The following AGGF1 variants were observed in gnomAD, a reference collection of about 807,000 sequenced individuals.
The protein encoded by AGGF1 is angiogenic factor with G-patch and FHA domains 1.
Under a neutral mutation model 86.5 loss-of-function variants are expected in AGGF1, and 56 were observed. The ratio of observed to expected loss-of-function variants is 0.65; its 90% CI spans 0.52 to 0.81. The LOEUF is 0.81. Ranked by LOEUF, AGGF1 falls within the 30% of genes least tolerant of loss-of-function variation. The pLI is 0.00. For missense variants in AGGF1, 816 were observed against 850.9 expected (o/e 0.96, Z 0.51); for synonymous variants, 313 against 297.1 (o/e 1.05, Z -0.55).
Position 77,036,621 on chromosome 5 carries a change from G to C in AGGF1, c.582G>C (p.Leu194Phe). Residue 194 changes from leucine to phenylalanine, a missense_variant, in exon 4 of 14, where the codon TTG becomes TTC. Coordinates refer to ENST00000312916, the MANE Select transcript of AGGF1 (RefSeq NM_018046.5). Reference sequence around the variant, plus strand: ...AAGGCTCATCATTAGCTGAAAGTTTGAGAGCTGCAGCAGAAGCGGCTGTAT... The same window carrying C: ...AAGGCTCATCATTAGCTGAAAGTTTCAGAGCTGCAGCAGAAGCGGCTGTAT... ...SLEGSSLAESLRAAAEAAVSQ... is the reference protein window; with the variant it reads ...SLEGSSLAESFRAAAEAAVSQ... 1 of 1,614,014 alleles carries C rather than the reference G, an allele frequency of 6.2e-7. No homozygotes were observed. The highest frequency in any genetic ancestry group is 1.1e-5 in the South Asian group (1 of 91,076).
chr5:77,059,680 G>A lies in AGGF1; in HGVS notation c.1781G>A (p.Arg594His), dbSNP rs778079289. Residue 594 changes from arginine (R) to histidine (H), a missense_variant, in exon 12 of 14, where the codon CGT becomes CAT. Coordinates refer to ENST00000312916, the MANE Select transcript of AGGF1 (RefSeq NM_018046.5). ...AAATATAAAGATAGAGCTGGAAAAC[G>A]TAGGGAGCAGGTTGGAAGTGAAGGA... ...NPKYKDRAGK[R>H]REQVGSEGTF... is the part of the protein sequence containing the mutation. The A allele has an allele frequency of 1.7e-5, 27 of 1,613,632 alleles. No individual in the cohort carries two copies. Among genetic ancestry groups the A allele is most frequent in the Middle Eastern group, 1.6e-4 (1 of 6,068 alleles).
At chr5:77,056,203 C>T (rs1051727678) in intron 11 of AGGF1, among the ~76,000 whole-genome samples, 5 of 148,688 alleles carry the variant, frequency 3.4e-5, no homozygotes, top group Non-Finnish European at 7.4e-5. Flanking sequence ...GGTGTGATGG[C>T]AGTTTGGTGG....
Position 77,052,806 on chromosome 5 carries a change from A to G in AGGF1, c.1466A>G (p.Gln489Arg). 1.2e-6 allele frequency: 2 copies of G among 1,609,674 alleles called. No homozygotes were observed. Among genetic ancestry groups the G allele is most frequent in the African/African-American group, 1.3e-5 (1 of 74,960 alleles). The change falls in exon 9 of 14, where the codon CAG becomes CGG. Residue 489 changes from glutamine to arginine, a missense_variant and splice_region_variant. Gln to Arg is a conservative substitution (Grantham distance 43). Around this residue, in one of 3 missense-constraint regions of AGGF1, gnomAD observed 565 missense variants for 585.8 expected, o/e 0.96. Transcript: ENST00000312916. ...GTIVNGKQIL[Q>R]PKTKCDPYVL... ...ATTGTTAATGGAAAACAGATTCTTC[A>G]GGTGAGTGTATATGTGTTAATTTGT...
At chr5:77,043,598 CCCG>C (rs1404057137) in intron 5 of AGGF1, among the ~76,000 whole-genome samples, 21 of 43,384 alleles carry the variant, frequency 4.8e-4, no homozygotes, top group African/African-American at 1.2e-3. Context: ...CCCCCCCCCC[CCCG>C]GATGGCACGG....
chr5:77,035,885 ATGT>A, intron 3 of AGGF1, 142 bp downstream of exon 3: 1 of 779,616 alleles, frequency 1.3e-6, no homozygotes, highest in Non-Finnish European at 2.1e-6. Context: ...TATGCAAAGA[ATGT>A]TGTAGTTTTT....
chr5:77,040,837 C>T (rs993569963), intron 5 of AGGF1, among the ~76,000 whole-genome samples: 21 of 152,104 alleles, frequency 1.4e-4, no homozygotes, highest in Admixed American at 1.4e-3. Context: ...TCTTGTCCTT[C>T]TGTCCTGTCC....
At position 77,036,831 on chromosome 5, in the gene AGGF1, AG is replaced by A. The variant is rs375609585; in HGVS notation, c.681+113del. 585 of 1,176,660 alleles carry A rather than the reference AG, an allele frequency of 5.0e-4. 2 individuals are homozygous for A. The African/African-American group carries it at 7.8e-3, about 16-fold the overall frequency. 72.9% of individuals were successfully genotyped at this position (1,176,660 alleles called of 1,614,324 possible). A position where few individuals can be genotyped will look rare whatever the true frequency, so the allele number is the denominator to read the frequency against. On this transcript the variant is annotated intron_variant, in intron 4 of 13. Transcript: ENST00000312916. ...CAGCTCACTGCAACTTTCACCCCCC[AG>A]GTTCAAGTGATTCTTATGTCTCAGC...
intron 8 of AGGF1, among the ~76,000 whole-genome samples, chr5:77,051,439 A>G (rs940031245): frequency 1.3e-5 from 2 of 152,092 alleles, no homozygotes; most frequent in Non-Finnish European, 2.9e-5. Flanking sequence ...TCTCAAAAAA[A>G]AAAAAAAAGA....
At position 77,039,556 on chromosome 5, in the gene AGGF1, C is replaced by A; in HGVS notation, c.707C>A (p.Ser236Tyr). 1.2e-6 allele frequency: 2 copies of A among 1,609,646 alleles called. No homozygotes were observed. The highest frequency in any genetic ancestry group is 1.7e-6 in the Non-Finnish European group (2 of 1,177,850). The change falls in exon 5 of 14, where the codon TCC becomes TAC. Residue 236 changes from serine (S) to tyrosine (Y), a missense_variant. By Grantham distance (144) the Ser-to-Tyr change is moderately radical. Transcript: ENST00000312916. Reference sequence around the variant, plus strand: ...GAAAATCAACTCTATTATGATCCTTCCACTGGAATTTATTACTATTGTGAT... The same window carrying A: ...GAAAATCAACTCTATTATGATCCTTACACTGGAATTTATTACTATTGTGAT... Reference protein sequence around the residue: ...DSENQLYYDPSTGIYYYCDVE... With the variant: ...DSENQLYYDPYTGIYYYCDVE...
rs552025619 is a variant in AGGF1, at chr5:77,039,941, C to A, written c.870+222C>A. Among the ~76,000 whole-genome samples the A allele has an allele frequency of 2.3e-4, 35 of 151,934 alleles. 1 individual carries two copies. In the South Asian group the frequency reaches 6.0e-3, roughly 26 times the overall value. On this transcript the variant is annotated intron_variant, in intron 5 of 13. Transcript: ENST00000312916. ...AAATTTGAAGGAGATAGATTAAGGTCAGATAAAATATCTCGTATATAGTTT... is the reference window on the plus strand; with the variant it reads ...AAATTTGAAGGAGATAGATTAAGGTAAGATAAAATATCTCGTATATAGTTT...
At chr5:77,042,665 G>A (rs1194871289) in intron 5 of AGGF1, among the ~76,000 whole-genome samples, 2 of 36,698 alleles carry the variant, frequency 5.4e-5, no homozygotes, top group African/African-American at 1.6e-4. Flanking sequence ...CGGACGGGGC[G>A]GCTGGCTGGG....
rs1203648347 is a variant in AGGF1, at chr5:77,046,440, A to C, written c.964A>C (p.Ile322Leu). The C allele has an allele frequency of 3.1e-6, 5 of 1,614,022 alleles. No individual in the cohort carries two copies. The highest frequency in any genetic ancestry group is 4.2e-6 in the Non-Finnish European group (5 of 1,179,948). ...CGCAAATATGAAAAAGAAGGCCAAA[A>C]TAGGCATTCATCACAAAAATAGTCC... ...NFANMKKKAK[I>L]GIHHKNSPPK... is the part of the protein sequence containing the mutation. The change falls in exon 6 of 14, where the codon ATA becomes CTA. Residue 322 changes from isoleucine to leucine, a missense_variant. By Grantham distance (5) the Ile-to-Leu change is conservative (BLOSUM62 2). Coordinates refer to ENST00000312916, the MANE Select transcript of AGGF1 (RefSeq NM_018046.5).
chr5:77,037,174 T>G (rs1746983988), intron 4 of AGGF1, among the ~76,000 whole-genome samples: 1 of 152,210 alleles, frequency 6.6e-6, no homozygotes, highest in Admixed American at 6.5e-5. Context: ...ATTGTGATTA[T>G]TATAGACAAT....
chr5:77,052,339 C>T (rs1404977078), intron 8 of AGGF1, among the ~76,000 whole-genome samples: 3 of 150,574 alleles, frequency 2.0e-5, no homozygotes, highest in Non-Finnish European at 4.4e-5. Flanking sequence ...GGTGACAGAG[C>T]GAGACCCTGT....
At chr5:77,057,281 A>G (rs957774356) in intron 11 of AGGF1, among the ~76,000 whole-genome samples, 5 of 152,242 alleles carry the variant, frequency 3.3e-5, no homozygotes, top group Non-Finnish European at 7.3e-5. Flanking sequence ...ATATGTGCAT[A>G]AAAAGACCAG....
chr5:77,059,075 G>A (rs1747506340), intron 11 of AGGF1, among the ~76,000 whole-genome samples: 1 of 152,090 alleles, frequency 6.6e-6, no homozygotes, highest in Non-Finnish European at 1.5e-5. Context: ...ACTACTATAG[G>A]TCCCTTGGAA....
At position 77,035,608 on chromosome 5, in the gene AGGF1, A is replaced by G. The variant is rs746049383; in HGVS notation, c.381A>G (p.Gln127=). The change falls in exon 3 of 14, where the codon CAA becomes CAG. Residue 127 remains glutamine (Q), a synonymous_variant. Transcript: ENST00000312916. ...LPNKVTELSD[Q]QDQAIETSIL... The stretch of plus-strand genomic sequence containing the variant: ...ATAAAGTGACTGAACTGTCAGATCA[A>G]CAAGATCAAGCTATCGAAACTTCTA... The G allele has an allele frequency of 2.4e-5, 38 of 1,613,548 alleles. 1 individual carries two copies. Among genetic ancestry groups the G allele is most frequent in the Non-Finnish European group, 8.5e-7 (1 of 1,179,704 alleles).
At chr5:77,038,304 G>A (rs1293630205) in intron 4 of AGGF1, among the ~76,000 whole-genome samples, 1 of 152,140 alleles carries the variant, frequency 6.6e-6, no homozygotes, top group Non-Finnish European at 1.5e-5. Context: ...ATAGTTTCAA[G>A]TAGACATTAG....
At chr5:77,062,992 C>A in intron 13 of AGGF1, 60 bp from the exon 14 acceptor site, 1 of 1,574,052 alleles carries the variant, frequency 6.4e-7, no homozygotes, top group Non-Finnish European at 8.7e-7. Context: ...AAGTTGGACA[C>A]AGCAGATTTC....
Sources: allele counts gnomAD v4.1 joint callset (sites outside exome capture counted in the v4.1 genomes callset), GRCh38; gene constraint gnomAD v4.1.1; regional missense constraint gnomAD v4.1.1; transcripts MANE v1.5; gene names NCBI Gene and HGNC (gene_info 2026-07-23, HGNC 2026-07-21).